The following ANKRD18B variants were observed in gnomAD, a reference collection of about 807,000 sequenced individuals.
ANKRD18B encodes the protein ankyrin repeat domain 18B.
ANKRD18B carries 75 observed loss-of-function variants against 111.8 expected under a neutral mutation model. That is an observed-to-expected ratio of 0.67 (90% CI 0.56 to 0.81). The LOEUF (loss-of-function observed/expected upper bound fraction) is 0.81. Ranked by LOEUF, ANKRD18B falls within the 40% of genes least tolerant of loss-of-function variation. ANKRD18B has a pLI of 0.00. For missense variants in ANKRD18B, 1,038 were observed against 1,225.5 expected, an observed-to-expected ratio of 0.85 and a Z score of 2.28; for synonymous variants, 356 against 417.3, an observed-to-expected ratio of 0.85 and a Z score of 1.79.
downstream of ANKRD18B, among the ~76,000 whole-genome samples, chr9:33,575,102 A>G (rs929111965): frequency 1.8e-4 from 28 of 152,122 alleles, no homozygotes; most frequent in Admixed American, 3.3e-4. Flanking sequence ...GCAGCTACTG[A>G]GGGTAATACC....
intron 12 of ANKRD18B, 98 bp downstream of exon 12, chr9:33,550,677 T>C: frequency 8.4e-7 from 1 of 1,190,802 alleles, no homozygotes; most frequent in Non-Finnish European, 1.1e-6. Flanking sequence ...GACAGCTTGA[T>C]TTTGTATTTT....
At chr9:33,564,209 C>T (rs537907471) in intron 14 of ANKRD18B, among the ~76,000 whole-genome samples, 123 of 152,312 alleles carry the variant, frequency 8.1e-4, no homozygotes, top group African/African-American at 2.7e-3. Context: ...ATTCTCCTGC[C>T]TCGGTCTTTC....
Position 33,566,580 on chromosome 9 carries a change from A to G in ANKRD18B, c.2742+80A>G, listed in dbSNP as rs961954666. The G allele has an allele frequency of 1.5e-5, 22 of 1,497,230 alleles. No individual in the cohort carries two copies. The East Asian group carries it at 4.8e-4, about 33-fold the overall frequency. The allele number at this position is 1,497,230 out of a possible 1,614,324, so 92.7% of individuals were successfully genotyped here. A position where few individuals can be genotyped will look rare whatever the true frequency, so the allele number is the denominator to read the frequency against. ...TGCAAACTGTATTTTGGATGTGTAT[A>G]TATTGTGTTTCCTCTGCCTCTCTTA... is the stretch of plus-strand genomic sequence containing the variant. On this transcript the variant is annotated intron_variant, in intron 15 of 18. Transcript: ENST00000684830.
Position 33,572,403 on chromosome 9 carries a change from A to G in ANKRD18B, c.3311A>G (p.His1104Arg). 6.3e-7 allele frequency: 1 copy of G among 1,587,082 alleles called. No individual in the cohort carries two copies. Among genetic ancestry groups the G allele is most frequent in the East Asian group, 2.2e-5 (1 of 44,688 alleles). ...CATCTAATGAAGAGAATATTTAACC[A>G]TAAAATCTTAAGGAAAAGTTGTATG... The part of the protein sequence containing the change: ...KPHLMKRIFN[H>R]KILRKSCMI The change falls in exon 19 of 19, where the codon CAT (histidine) becomes CGT (arginine). Residue 1104 changes from histidine to arginine, a missense_variant. Physicochemically the swap from His to Arg is conservative, Grantham distance 29. Around this residue, in one of 4 missense-constraint regions of ANKRD18B, gnomAD observed 524 missense variants for 677.9 expected, o/e 0.77. Transcript: ENST00000684830.
intron 1 of ANKRD18B, among the ~76,000 whole-genome samples, chr9:33,527,213 C>G (rs895625829): frequency 6.6e-6 from 1 of 152,210 alleles, no homozygotes; most frequent in African/African-American, 2.4e-5. Flanking sequence ...ATTGGAAAGT[C>G]TGATTTGCAT....
At chr9:33,556,925 G>T (rs1400356942) in intron 13 of ANKRD18B, among the ~76,000 whole-genome samples, 7 of 152,074 alleles carry the variant, frequency 4.6e-5, no homozygotes, top group Non-Finnish European at 8.8e-5. Context: ...TATAGAAAAA[G>T]TATAACCTAA....
At chr9:33,532,611 T>C (rs1828134067) in intron 3 of ANKRD18B, among the ~76,000 whole-genome samples, 1 of 152,188 alleles carries the variant, frequency 6.6e-6, no homozygotes, top group African/African-American at 2.4e-5. Flanking sequence ...ATGGAGTATT[T>C]AATAATAAGG....
At chr9:33,533,339 A>G (rs905502862) in intron 3 of ANKRD18B, 100 bp from the exon 4 acceptor site, 2 of 1,498,422 alleles carry the variant, frequency 1.3e-6, no homozygotes, top group African/African-American at 2.9e-5. Flanking sequence ...CTTTCTGTCT[A>G]TATTGCATGT....
intron 3 of ANKRD18B, among the ~76,000 whole-genome samples, chr9:33,532,279 T>C (rs1478596262): frequency 1.3e-5 from 2 of 152,186 alleles, no homozygotes; most frequent in East Asian, 1.9e-4. Flanking sequence ...GCTCTTATTA[T>C]GCTAGAAACA....
At chr9:33,541,461 G>A (rs1011204103) in intron 9 of ANKRD18B, among the ~76,000 whole-genome samples, 4 of 152,188 alleles carry the variant, frequency 2.6e-5, no homozygotes, top group Admixed American at 2.6e-4. Context: ...AGTCAGTGTT[G>A]GAGGCTGAGA....
chr9:33,572,309 T>A lies in ANKRD18B; in HGVS notation c.3224-7T>A. 1.2e-6 allele frequency: 2 copies of A among 1,605,876 alleles called. No individual in the cohort carries two copies. The highest frequency in any genetic ancestry group is 1.7e-6 in the Non-Finnish European group (2 of 1,174,230). ...TAAAGAACATAATCCTTTCTTTTTC[T>A]TTCCAGCTTTTGCTGCGTTGGGCCC... is the stretch of plus-strand genomic sequence containing the variant. On this transcript the variant is annotated splice_polypyrimidine_tract_variant and splice_region_variant and intron_variant, in intron 18 of 18. Transcript: ENST00000684830.
At chr9:33,531,077 C>T (rs1828108452) in intron 3 of ANKRD18B, among the ~76,000 whole-genome samples, 1 of 152,122 alleles carries the variant, frequency 6.6e-6, no homozygotes. Context: ...CAGTTTTAAA[C>T]ACTGAAATCC....
chr9:33,534,463 T>C lies in ANKRD18B; in HGVS notation c.696T>C (p.Phe232=). 1 of 1,550,772 alleles carries C rather than the reference T, an allele frequency of 6.4e-7. No homozygotes were observed. Among genetic ancestry groups the C allele is most frequent in the Middle Eastern group, 1.7e-4 (1 of 5,982 alleles). The change falls in exon 5 of 19, where the codon TTT becomes TTC. Residue 232 remains phenylalanine (F), a synonymous_variant. Transcript: ENST00000684830. ...QNIHISSQDM[F]GQTAEDYAFC... ...TACATATCTCTTCTCAAGACATGTT[T>C]GGCCAAACTGCCGAGGATTATGCTT...
chr9:33,537,676 G>C (rs896349554), intron 6 of ANKRD18B, among the ~76,000 whole-genome samples: 1 of 152,006 alleles, frequency 6.6e-6, no homozygotes, highest in Non-Finnish European at 1.5e-5. Flanking sequence ...TGAATATTGC[G>C]GGGGTTAGGG....
chr9:33,538,322 C>T (rs1395372271), intron 6 of ANKRD18B, among the ~76,000 whole-genome samples: 1 of 152,158 alleles, frequency 6.6e-6, no homozygotes, highest in Non-Finnish European at 1.5e-5. Flanking sequence ...CAAACAAGGT[C>T]TATTTTTAAT....
At position 33,563,007 on chromosome 9, in the gene ANKRD18B, A is replaced by C. The variant is rs1446375028; in HGVS notation, c.2461-3212A>C. On this transcript the variant is annotated intron_variant, in intron 14 of 18. Coordinates refer to ENST00000684830, the MANE Select transcript of ANKRD18B (RefSeq NM_001393611.1). ...GTCTTATTTCCTAACTTGAGGGGAA[A>C]TTGTAAGGAGACACCCTTGCCTTAT... is the stretch of plus-strand genomic sequence containing the variant. Among the ~76,000 whole-genome samples the C allele has an allele frequency of 5.3e-5, 8 of 152,136 alleles. No homozygotes were observed. In the East Asian group the frequency reaches 1.5e-3, roughly 29 times the overall value.
At chr9:33,556,777 A>G (rs1026588851) in intron 13 of ANKRD18B, among the ~76,000 whole-genome samples, 2 of 152,070 alleles carry the variant, frequency 1.3e-5, no homozygotes, top group African/African-American at 4.8e-5. Flanking sequence ...TATAGCTTGT[A>G]TTTTGTTTCT....
At chr9:33,528,884 T>C in intron 2 of ANKRD18B, 43 bp downstream of exon 2, 7 of 1,565,754 alleles carry the variant, frequency 4.5e-6, no homozygotes, top group Non-Finnish European at 6.1e-6. Context: ...TTGATTTAAA[T>C]ACATAGAATT....
chr9:33,561,349 T>C (rs1467735319), intron 14 of ANKRD18B, among the ~76,000 whole-genome samples: 6 of 152,238 alleles, frequency 3.9e-5, no homozygotes, highest in Non-Finnish European at 4.4e-5. Flanking sequence ...TGCAGAAATA[T>C]CTATTCAAAT....
Sources: allele counts gnomAD v4.1 joint callset (sites outside exome capture counted in the v4.1 genomes callset), GRCh38; gene constraint gnomAD v4.1.1; regional missense constraint gnomAD v4.1.1; transcripts MANE v1.5; gene names NCBI Gene and HGNC (gene_info 2026-07-23, HGNC 2026-07-21).